MAPKAP1: variants seen among roughly 807,000 people sequenced by gnomAD.
MAPKAP1 encodes target of rapamycin complex 2 subunit MAPKAP1.
MAPKAP1 carries 20 observed loss-of-function variants against 65.7 expected under a neutral mutation model. The observed-to-expected ratio is 0.30, with a 90% CI of 0.21 to 0.44. The LOEUF (loss-of-function observed/expected upper bound fraction) is 0.44. MAPKAP1 is among the 20% of genes least tolerant of loss of function. The pLI, the probability that MAPKAP1 is intolerant of heterozygous loss-of-function variation, is 1.00. For synonymous variants in MAPKAP1, 222 were observed against 244.3 expected, an observed-to-expected ratio of 0.91 and a Z score of 0.85; for missense variants, 423 against 648.0, an observed-to-expected ratio of 0.65 and a Z score of 3.77.
chr9:125,542,149 T>C (rs941748089), intron 7 of MAPKAP1, among the ~76,000 whole-genome samples: 2 of 152,228 alleles, frequency 1.3e-5, no homozygotes, highest in African/African-American at 2.4e-5. Context: ...ATCGTTCCCC[T>C]GGAATATGGC....
chr9:125,440,146 G>A (rs1306385022), intron 11 of MAPKAP1, among the ~76,000 whole-genome samples: 2 of 152,208 alleles, frequency 1.3e-5, no homozygotes, highest in African/African-American at 4.8e-5. Flanking sequence ...GACAGCCTGT[G>A]CCTGGGCATG....
At chr9:125,693,443 A>G (rs886823501) in intron 1 of MAPKAP1, among the ~76,000 whole-genome samples, 2 of 124,496 alleles carry the variant, frequency 1.6e-5, no homozygotes, top group African/African-American at 5.7e-5. Context: ...ATATATATAT[A>G]CACACACACA....
At chr9:125,673,182 A>G (rs1194163126) in intron 1 of MAPKAP1, among the ~76,000 whole-genome samples, 1 of 152,188 alleles carries the variant, frequency 6.6e-6, no homozygotes, top group Non-Finnish European at 1.5e-5. Context: ...ATGTTGCTCA[A>G]TGAATATATT....
intron 9 of MAPKAP1, chr9:125,471,448 CAA>C (rs972073343): frequency 6.6e-6 from 1 of 152,604 alleles, no homozygotes; most frequent in Non-Finnish European, 1.5e-5. Context: ...ATATTAAAGA[CAA>C]AAGAGTTAGG....
chr9:125,573,484 C>T (rs1320679914), intron 5 of MAPKAP1, among the ~76,000 whole-genome samples: 1 of 152,222 alleles, frequency 6.6e-6, no homozygotes, highest in African/African-American at 2.4e-5. Context: ...AAGAAATAAC[C>T]ATAAAAATGG....
intron 4 of MAPKAP1, among the ~76,000 whole-genome samples, chr9:125,620,524 A>G (rs951512665): frequency 6.6e-6 from 1 of 152,188 alleles, no homozygotes; most frequent in African/African-American, 2.4e-5. Context: ...TACACATATA[A>G]TCGCACATGC....
At chr9:125,605,067 A>G (rs763221312) in intron 4 of MAPKAP1, among the ~76,000 whole-genome samples, 2 of 152,242 alleles carry the variant, frequency 1.3e-5, no homozygotes, top group Non-Finnish European at 2.9e-5. Flanking sequence ...AAAATAACCT[A>G]TGGTATAAAA....
At chr9:125,661,432 G>A (rs368460781) in intron 3 of MAPKAP1, among the ~76,000 whole-genome samples, 3 of 152,174 alleles carry the variant, frequency 2.0e-5, no homozygotes, top group African/African-American at 7.2e-5. Flanking sequence ...CCTCACCGGG[G>A]CATGGGTTGG....
intron 10 of MAPKAP1, among the ~76,000 whole-genome samples, chr9:125,467,170 A>C (rs987462695): frequency 5.9e-5 from 9 of 152,200 alleles, no homozygotes; most frequent in Middle Eastern, 3.2e-3. Context: ...CCAGACTTTG[A>C]GAACCATTAT....
At chr9:125,446,436 TAAG>T (rs1405456054) in intron 10 of MAPKAP1, among the ~76,000 whole-genome samples, 2 of 152,170 alleles carry the variant, frequency 1.3e-5, no homozygotes, top group African/African-American at 4.8e-5. Flanking sequence ...GTGTTTCTAA[TAAG>T]GAGGTGGACC....
chr9:125,604,132 C>T (rs1358046212), intron 4 of MAPKAP1, among the ~76,000 whole-genome samples: 1 of 152,166 alleles, frequency 6.6e-6, no homozygotes, highest in Non-Finnish European at 1.5e-5. Flanking sequence ...TGTAAAATTC[C>T]ATTAACATTT....
intron 5 of MAPKAP1, among the ~76,000 whole-genome samples, chr9:125,569,672 AC>A (rs1831169043): frequency 6.6e-6 from 1 of 152,188 alleles, no homozygotes; most frequent in Admixed American, 6.5e-5. Context: ...GGCACCAGAG[AC>A]CCCTTTCCTG....
rs571675960 is a variant in MAPKAP1, at chr9:125,439,198, G to A, written c.1444-186C>T. On this transcript the variant is annotated intron_variant, in intron 11 of 11. Transcript: ENST00000265960. The surrounding 1 kb of genome is among the most constrained non-coding windows in gnomAD (Gnocchi z 4.0). ...GCTGGGCCCAGAGCCGCTGCTCTAC[G>A]ATGGGAAAACAGAGGCTTGGAGAAG... 1.0e-3 allele frequency among the ~76,000 whole-genome samples: 156 copies of A among 152,326 alleles called. No individual in the cohort carries two copies. Among genetic ancestry groups the A allele is most frequent in the Admixed American group, 3.2e-3 (49 of 15,312 alleles).
intron 6 of MAPKAP1, 95 bp from the exon 7 acceptor site, chr9:125,543,263 T>C (rs1830309332): frequency 3.4e-6 from 3 of 893,404 alleles, no homozygotes; most frequent in South Asian, 1.5e-5. Context: ...TTTTTTGTTG[T>C]TGTTTGTTTT....
intron 5 of MAPKAP1, 134 bp from the exon 6 acceptor site, chr9:125,559,943 T>G (rs1210128950): frequency 2.5e-6 from 2 of 786,656 alleles, no homozygotes; most frequent in Non-Finnish European, 3.9e-6. Context: ...CAGTAAAAAA[T>G]CCCAAATCCT....
At position 125,672,450 on chromosome 9, in the gene MAPKAP1, T is replaced by C. The variant is rs770285381; in HGVS notation, c.125A>G (p.His42Arg). ...ACTGTCTCCAGGCATTGAAGGAGGA[T>C]GAATCTTCTCTAGGTCAACATCATG... ...IDHDVDLEKI[H>R]PPSMPGDSGS... The change falls in exon 2 of 12, where the codon CAT (histidine) becomes CGT (arginine). Residue 42 changes from histidine (H) to arginine (R), a missense_variant. Physicochemically the swap from His to Arg is conservative, Grantham distance 29. Transcript: ENST00000265960. The C allele has an allele frequency of 5.0e-6, 8 of 1,614,046 alleles. No individual in the cohort carries two copies. Among genetic ancestry groups the C allele is most frequent in the Admixed American group, 1.7e-5 (1 of 59,994 alleles).
chr9:125,542,144 T>C lies in MAPKAP1; in HGVS notation c.958+915A>G, dbSNP rs545208867. ...TGCCATTTTTTACAGCTCTTATCGT[T>C]CCCCTGGAATATGGCCTTGAGACAG... On this transcript the variant is annotated intron_variant, in intron 7 of 11. Coordinates refer to ENST00000265960, the MANE Select transcript of MAPKAP1 (RefSeq NM_001006617.3). Among the ~76,000 whole-genome samples, 45 of 152,304 alleles carry C rather than the reference T, an allele frequency of 3.0e-4. 1 individual carries two copies. The highest frequency in any genetic ancestry group is 2.7e-3 in the Admixed American group (41 of 15,304).
intron 4 of MAPKAP1, among the ~76,000 whole-genome samples, chr9:125,624,995 T>C: frequency 1.3e-5 from 1 of 76,882 alleles, no homozygotes; most frequent in Non-Finnish European, 2.7e-5. Flanking sequence ...TTAAATGGAT[T>C]AAGGGCGGTG....
chr9:125,519,652 T>TTTTATA (rs1554815771), intron 7 of MAPKAP1, among the ~76,000 whole-genome samples: 39 of 141,710 alleles, frequency 2.8e-4, no homozygotes, highest in Admixed American at 1.5e-3. Flanking sequence ...TATATGTCTT[T>TTTTATA]TATATATATA....
Sources: gnomAD v4.1 joint callset for allele counts (sites outside exome capture counted in the v4.1 genomes callset) on GRCh38, gnomAD v4.1.1 for gene constraint, Gnocchi (gnomAD v3.1) non-coding constraint, MANE v1.5 for transcripts, NCBI Gene and HGNC (gene_info 2026-07-23, HGNC 2026-07-21) for gene names.